PTCHD4: variants seen among roughly 807,000 people sequenced by gnomAD.
PTCHD4 encodes patched domain containing 4.
A neutral mutation model predicts 58.1 loss-of-function variants in PTCHD4; 33 were observed. The ratio of observed to expected loss-of-function variants is 0.57; its 90% CI spans 0.43 to 0.76. The LOEUF (loss-of-function observed/expected upper bound fraction) is 0.76. Ranked by LOEUF, PTCHD4 falls within the 30% of genes least tolerant of loss-of-function variation. The pLI is 0.00. For synonymous variants in PTCHD4, 478 were observed against 409.6 expected, an observed-to-expected ratio of 1.17 and a Z score of -2.02; for missense variants, 1,058 against 1,027.1, an observed-to-expected ratio of 1.03 and a Z score of -0.41.
chr6:48,110,809 A>ATG (rs1294196902), intron 1 of PTCHD4, among the ~76,000 whole-genome samples: 1 of 147,594 alleles, frequency 6.8e-6, no homozygotes, highest in Non-Finnish European at 1.5e-5. Flanking sequence ...ATATATATAT[A>ATG]TAATATTTTT....
At chr6:48,078,896 A>C (rs1227088520) in intron 1 of PTCHD4, among the ~76,000 whole-genome samples, 1 of 152,060 alleles carries the variant, frequency 6.6e-6, no homozygotes, top group East Asian at 1.9e-4. Flanking sequence ...AGGCGGGCGG[A>C]TCACGAGGTT....
Position 48,068,719 on chromosome 6 carries a change from C to A in PTCHD4, c.6-78G>T. On this transcript the variant is annotated intron_variant, in intron 2 of 4. Transcript: ENST00000339488. The surrounding 1 kb of genome is among the most constrained non-coding windows in gnomAD (Gnocchi z 4.2). ...ATCCCACCCCCTGGGGCCAGTCCCC[C>A]CTCCCCACCGCCGCCGCCTCCCCAC... 4.3e-6 allele frequency: 6 copies of A among 1,394,256 alleles called. No individual in the cohort carries two copies. Among genetic ancestry groups the A allele is most frequent in the Non-Finnish European group, 5.7e-6 (6 of 1,050,614 alleles). The allele number at this position is 1,394,256 out of a possible 1,614,324, so 86.4% of individuals were successfully genotyped here. A position where few individuals can be genotyped will look rare whatever the true frequency, so the allele number is the denominator to read the frequency against.
chr6:47,915,177 C>T (rs1021093574), intron 4 of PTCHD4, among the ~76,000 whole-genome samples: 4 of 152,068 alleles, frequency 2.6e-5, no homozygotes, highest in East Asian at 1.9e-4. Flanking sequence ...AAAAGGGTTG[C>T]CTCAGGCTCT....
chr6:47,956,275 T>G (rs1766856358), intron 4 of PTCHD4, among the ~76,000 whole-genome samples: 1 of 148,564 alleles, frequency 6.7e-6, no homozygotes, highest in African/African-American at 2.6e-5. Context: ...CCAGCTTCTG[T>G]TTTAAGTACT....
chr6:47,875,205 C>A lies in PTCHD4; in HGVS notation c.*3098G>T, dbSNP rs1763816223. ...CTTCTAGGAGTTGATTGGTCATCTG[C>A]TGACAACAGATAAGTTCCTAATTTG... is the stretch of plus-strand genomic sequence containing the variant. On this transcript the variant is annotated 3_prime_UTR_variant, in exon 5 of 5. Transcript: ENST00000339488. Among the ~76,000 whole-genome samples, 1 of 151,792 alleles carries A rather than the reference C, an allele frequency of 6.6e-6. No homozygotes were observed. Among genetic ancestry groups the A allele is most frequent in the Admixed American group, 6.6e-5 (1 of 15,200 alleles).
intron 1 of PTCHD4, among the ~76,000 whole-genome samples, chr6:48,072,939 G>A (rs562806500): frequency 1.4e-4 from 22 of 152,052 alleles, no homozygotes; most frequent in Admixed American, 4.6e-4. Context: ...AGAAAAGCAT[G>A]GTTGCTCAAT....
intron 4 of PTCHD4, among the ~76,000 whole-genome samples, chr6:47,984,258 TTTAA>T (rs1767985550): frequency 6.6e-6 from 1 of 152,062 alleles, no homozygotes; most frequent in African/African-American, 2.4e-5. Flanking sequence ...AGGAAAGAGG[TTTAA>T]TTGACTCACA....
intron 4 of PTCHD4, among the ~76,000 whole-genome samples, chr6:47,976,249 C>T (rs1204880843): frequency 6.6e-6 from 1 of 152,152 alleles, no homozygotes; most frequent in Non-Finnish European, 1.5e-5. Context: ...GAATGAATTC[C>T]TTAGTCTTCT....
chr6:48,011,237 T>C (rs1049008033), intron 3 of PTCHD4, among the ~76,000 whole-genome samples: 1 of 152,104 alleles, frequency 6.6e-6, no homozygotes, highest in Non-Finnish European at 1.5e-5. Flanking sequence ...CTCTCCAGCA[T>C]CTGTTGTTTC....
chr6:47,882,741 G>GATATATATATATATATATATATATATAT lies in PTCHD4; in HGVS notation c.899-2806_899-2805insATATATATATATATATATATATATATAT, dbSNP rs1554149146. 6.4e-3 allele frequency among the ~76,000 whole-genome samples: 657 copies of GATATATATATATATATATATATATATAT among 102,110 alleles called. 13 individuals are homozygous for GATATATATATATATATATATATATATAT. The highest frequency in any genetic ancestry group is 0.012 in the African/African-American group (374 of 31,386). 67.0% of individuals were successfully genotyped at this position (102,110 alleles called of 152,430 possible). On this transcript the variant is annotated intron_variant, in intron 4 of 4. Transcript: ENST00000339488. ...TGAATCCATTTCTAATGATTCCAGT[G>GATATATATATATATATATATATATATAT]ATATATATATATATATTCCTTAAAT... is the stretch of plus-strand genomic sequence containing the variant.
chr6:47,945,588 C>G (rs116708927), intron 4 of PTCHD4, among the ~76,000 whole-genome samples: 1,881 of 151,900 alleles, frequency 0.012, 35 homozygotes, highest in African/African-American at 0.041. Context: ...GTGTTATTTT[C>G]TAAGAACTGA....
intron 4 of PTCHD4, among the ~76,000 whole-genome samples, chr6:47,950,064 C>T (rs1341009722): frequency 2.2e-5 from 3 of 136,894 alleles, no homozygotes; most frequent in East Asian, 4.7e-4. Context: ...CGGAGTGTGA[C>T]GTTCCCCTTC....
Position 47,874,648 on chromosome 6 carries a change from A to G in PTCHD4, c.*3655T>C, listed in dbSNP as rs1490988508. 1.3e-5 allele frequency among the ~76,000 whole-genome samples: 2 copies of G among 151,752 alleles called. No individual in the cohort carries two copies. The highest frequency in any genetic ancestry group is 1.9e-4 in the East Asian group (1 of 5,140). ...AGAATAACTATAATAGCATCATAAA[A>G]CATTTGTCATCATTATTCTTCTCAC... On this transcript the variant is annotated 3_prime_UTR_variant, in exon 5 of 5. Coordinates refer to ENST00000339488, the MANE Select transcript of PTCHD4 (RefSeq NM_001384253.1).
chr6:47,966,397 A>T (rs536461567), intron 4 of PTCHD4, among the ~76,000 whole-genome samples: 2 of 152,304 alleles, frequency 1.3e-5, no homozygotes, highest in Non-Finnish European at 2.9e-5. Flanking sequence ...GAGCCTTGTG[A>T]TTTATAATCT....
intron 4 of PTCHD4, among the ~76,000 whole-genome samples, chr6:47,919,322 G>A (rs1427715399): frequency 6.6e-6 from 1 of 152,080 alleles, no homozygotes; most frequent in Admixed American, 6.6e-5. Context: ...CAAAGTGAAG[G>A]CCTTCAGAAA....
At chr6:47,957,491 A>G (rs550140618) in intron 4 of PTCHD4, among the ~76,000 whole-genome samples, 15 of 151,426 alleles carry the variant, frequency 9.9e-5, no homozygotes, top group Non-Finnish European at 1.8e-4. Context: ...TTTAATCTGA[A>G]TTAGTTATCC....
chr6:47,902,877 T>C (rs998421343), intron 4 of PTCHD4, among the ~76,000 whole-genome samples: 5 of 152,220 alleles, frequency 3.3e-5, no homozygotes, highest in Non-Finnish European at 7.3e-5. Context: ...TTTAAAGTTA[T>C]AAAATAAATT....
At chr6:47,991,784 A>C (rs979592678) in intron 4 of PTCHD4, among the ~76,000 whole-genome samples, 23 of 152,210 alleles carry the variant, frequency 1.5e-4, no homozygotes, top group African/African-American at 5.1e-4. Flanking sequence ...TGAATACTGT[A>C]ATTTGTATAA....
chr6:48,078,635 CTG>C (rs1456023627), intron 1 of PTCHD4, among the ~76,000 whole-genome samples: 1 of 152,174 alleles, frequency 6.6e-6, no homozygotes, highest in Non-Finnish European at 1.5e-5. Context: ...TATAACATAA[CTG>C]AAGGATTTTC....
Sources: allele counts gnomAD v4.1 joint callset (sites outside exome capture counted in the v4.1 genomes callset), GRCh38; gene constraint gnomAD v4.1.1; non-coding constraint Gnocchi (gnomAD v3.1); transcripts MANE v1.5; gene names NCBI Gene and HGNC (gene_info 2026-07-23, HGNC 2026-07-21).